Variants in FAM117A observed in about 807,000 individuals in gnomAD.
FAM117A encodes the protein protein FAM117A.
Under a neutral mutation model 44.1 loss-of-function variants are expected in FAM117A, and 21 were observed. The ratio of observed to expected loss-of-function variants is 0.48; its 90% CI spans 0.34 to 0.69. The LOEUF is 0.69. Among genes scored for constraint, FAM117A ranks in the 30% least tolerant of loss-of-function variants. FAM117A has a pLI of 0.01. For missense variants in FAM117A, 498 were observed against 589.9 expected (o/e 0.84, Z 1.61); for synonymous variants, 220 against 238.3 (o/e 0.92, Z 0.71).
chr17:49,754,100 T>G (rs896749026), intron 1 of FAM117A, among the ~76,000 whole-genome samples: 3 of 152,124 alleles, frequency 2.0e-5, no homozygotes, highest in Admixed American at 2.0e-4. Context: ...CCCTCTATCA[T>G]GCCAAATGCT....
At chr17:49,717,940 A>G (rs2073513014) in intron 5 of FAM117A, 2 of 438,424 alleles carry the variant, frequency 4.6e-6, no homozygotes, top group Non-Finnish European at 8.2e-6. Flanking sequence ...AATAGCACTC[A>G]CAGTCCAATG....
intron 1 of FAM117A, among the ~76,000 whole-genome samples, chr17:49,786,898 G>A (rs112492239): frequency 0.036 from 5,446 of 151,350 alleles, 333 homozygotes; most frequent in African/African-American, 0.13. Flanking sequence ...AGCCTGGGCA[G>A]CATGGTGAAA....
rs199774395 is a variant in FAM117A at position 49,719,867 on chromosome 17, A to G, written c.601T>C (p.Ser201Pro). The change falls in exon 5 of 8, where the codon TCC (serine) becomes CCC (proline). Residue 201 changes from serine to proline, a missense_variant. Physicochemically the swap from Ser to Pro is moderately conservative, Grantham distance 74 (BLOSUM62 -1). Around this residue, in one of 3 missense-constraint regions of FAM117A, gnomAD observed 270 missense variants for 277.4 expected, o/e 0.97. Coordinates refer to ENST00000240364, the MANE Select transcript of FAM117A (RefSeq NM_030802.4). ...RASPPSFPSG[S>P]PVLRLSPCLH... ...CAGGGGCTGAGTCGCAAGACAGGGG[A>G]CCCTGAGGGGAAGCTGGGAGGGGAC... 1.9e-6 allele frequency: 3 copies of G among 1,605,756 alleles called. No homozygotes were observed. Among genetic ancestry groups the G allele is most frequent in the Middle Eastern group, 3.3e-4 (2 of 6,056 alleles).
At chr17:49,777,546 G>A (rs2073778568) in intron 1 of FAM117A, among the ~76,000 whole-genome samples, 1 of 152,050 alleles carries the variant, frequency 6.6e-6, no homozygotes, top group Non-Finnish European at 1.5e-5. Context: ...GAAGAAATAA[G>A]TGAGGCCAAG....
chr17:49,720,531 T>A, intron 3 of FAM117A, 95 bp from the exon 4 acceptor site: 1 of 860,800 alleles, frequency 1.2e-6, no homozygotes. Context: ...CAGAGGCCCA[T>A]GAAGATATAT....
At chr17:49,750,225 A>G (rs917064078) in intron 1 of FAM117A, among the ~76,000 whole-genome samples, 3 of 148,790 alleles carry the variant, frequency 2.0e-5, no homozygotes, top group South Asian at 4.2e-4. Flanking sequence ...TTTTTCTTAC[A>G]CATGCTCAAA....
rs1253451315 is a variant in FAM117A at position 49,763,915 on chromosome 17, C to T, written c.173G>A (p.Arg58His). 3 of 1,236,176 alleles carry T rather than the reference C, an allele frequency of 2.4e-6. No homozygotes were observed. The highest frequency in any genetic ancestry group is 3.0e-6 in the Non-Finnish European group (3 of 991,094). The allele number at this position is 1,236,176 out of a possible 1,614,324, so 76.6% of individuals were successfully genotyped here. Residue 58 changes from arginine (R) to histidine (H), a missense_variant, in exon 1 of 8, where the codon CGC (arginine) becomes CAC (histidine). By Grantham distance (29) the Arg-to-His change is conservative. Coordinates refer to ENST00000240364, the MANE Select transcript of FAM117A (RefSeq NM_030802.4). ...IPFQLQQPHQRRDGGGRAASV... is the reference protein window; with the variant it reads ...IPFQLQQPHQHRDGGGRAASV... ...ACCTGCACGGCCACCCCCGTCCCGG[C>T]GCTGGTGCGGCTGCTGCAGCTGGAA...
intron 1 of FAM117A, among the ~76,000 whole-genome samples, chr17:49,738,756 C>T (rs571331403): frequency 4.6e-4 from 70 of 152,184 alleles, no homozygotes; most frequent in Middle Eastern, 3.4e-3. Flanking sequence ...TTTGAGGAGA[C>T]GAAAATACCA....
At position 49,711,141 on chromosome 17, in the gene FAM117A, G is replaced by A; in HGVS notation, c.*114C>T. ...GCTTTGACACAGTAAGTGAAAGAAAGTGCTCGAAGGCCGAGAGGGAAGGGC... is the reference window on the plus strand; with the variant it reads ...GCTTTGACACAGTAAGTGAAAGAAAATGCTCGAAGGCCGAGAGGGAAGGGC... On this transcript the variant is annotated 3_prime_UTR_variant, in exon 8 of 8. Transcript: ENST00000240364. 9.6e-7 allele frequency: 1 copy of A among 1,038,594 alleles called. No individual in the cohort carries two copies. Among genetic ancestry groups the A allele is most frequent in the Non-Finnish European group, 1.4e-6 (1 of 730,818 alleles). 64.3% of individuals were successfully genotyped at this position (1,038,594 alleles called of 1,614,324 possible).
upstream of FAM117A, among the ~76,000 whole-genome samples, chr17:49,766,341 C>G (rs753515062): frequency 1.3e-5 from 2 of 152,208 alleles, no homozygotes; most frequent in Admixed American, 6.5e-5. Context: ...TGTTTTATAG[C>G]TTTCACATAC....
chr17:49,775,876 C>G (rs1161590567), intron 1 of FAM117A, among the ~76,000 whole-genome samples: 1 of 152,148 alleles, frequency 6.6e-6, no homozygotes, highest in Non-Finnish European at 1.5e-5. Flanking sequence ...TGGGTATTTG[C>G]CCAGAATGTT....
chr17:49,775,176 C>T (rs537282843), intron 1 of FAM117A, among the ~76,000 whole-genome samples: 4 of 152,248 alleles, frequency 2.6e-5, no homozygotes, highest in Non-Finnish European at 4.4e-5. Context: ...TTAGTAGAGA[C>T]GGGGTTTTGC....
chr17:49,777,579 G>A (rs952812352), intron 1 of FAM117A, among the ~76,000 whole-genome samples: 4 of 151,982 alleles, frequency 2.6e-5, no homozygotes, highest in Non-Finnish European at 5.9e-5. Flanking sequence ...TGTTTTTGGA[G>A]GATTTTTTTT....
intron 1 of FAM117A, among the ~76,000 whole-genome samples, chr17:49,757,616 G>A (rs1332480697): frequency 1.3e-5 from 2 of 151,908 alleles, no homozygotes; most frequent in Non-Finnish European, 1.5e-5. Flanking sequence ...CAACAACAAC[G>A]GCCCCTTCAT....
At chr17:49,787,231 C>CA (rs1219254589) in intron 1 of FAM117A, among the ~76,000 whole-genome samples, 2 of 152,112 alleles carry the variant, frequency 1.3e-5, no homozygotes, top group South Asian at 2.1e-4. Flanking sequence ...TGCAAAATAA[C>CA]AGAGTAATGT....
intron 2 of FAM117A, chr17:49,724,659 C>G (rs568636202): frequency 2.8e-6 from 1 of 353,434 alleles, no homozygotes; most frequent in African/African-American, 2.1e-5. Flanking sequence ...ATGGTGAAAC[C>G]CCGTCTCTAC....
At chr17:49,714,428 C>T (rs2073492707) in intron 7 of FAM117A, among the ~76,000 whole-genome samples, 1 of 151,626 alleles carries the variant, frequency 6.6e-6, no homozygotes, top group Non-Finnish European at 1.5e-5. Flanking sequence ...ATCTCCACCT[C>T]CTGGGTTCAA....
chr17:49,757,429 C>G (rs1331161812), intron 1 of FAM117A, among the ~76,000 whole-genome samples: 2 of 152,118 alleles, frequency 1.3e-5, no homozygotes, highest in African/African-American at 4.8e-5. Context: ...ATATGTGGGC[C>G]TGAGGGGAAG....
intron 1 of FAM117A, among the ~76,000 whole-genome samples, chr17:49,756,873 C>G (rs193019373): frequency 6.8e-6 from 1 of 147,690 alleles, no homozygotes; most frequent in Non-Finnish European, 1.5e-5. Flanking sequence ...GCTGAGATCA[C>G]GCCACTGCAC....
Sources: gnomAD v4.1 joint callset for allele counts (sites outside exome capture counted in the v4.1 genomes callset) on GRCh38, gnomAD v4.1.1 for gene constraint, gnomAD v4.1.1 regional missense constraint, MANE v1.5 for transcripts, NCBI Gene and HGNC (gene_info 2026-07-23, HGNC 2026-07-21) for gene names.